Variants in ABCC9 observed in about 807,000 individuals in gnomAD.
ABCC9 encodes ATP binding cassette subfamily C member 9.
In ABCC9, 95 loss-of-function variants were observed where a neutral mutation model predicts 188.3. That is an observed-to-expected ratio of 0.50 (90% CI 0.43 to 0.60). The LOEUF (loss-of-function observed/expected upper bound fraction) is 0.60, where lower values mean the gene tolerates loss of function less well. Among genes scored for constraint, ABCC9 ranks in the 20% least tolerant of loss-of-function variants. The pLI is 0.00. For synonymous variants in ABCC9, 659 were observed against 652.7 expected (o/e 1.01, Z -0.15); for missense variants, 1,102 against 1,876.3 (o/e 0.59, Z 7.62).
chr12:21,882,701 A>G (rs1946681089), intron 16 of ABCC9, 65 bp downstream of exon 16: 1 of 1,399,878 alleles, frequency 7.1e-7, no homozygotes, highest in Non-Finnish European at 1.0e-6. Flanking sequence ...CTTTCACAGA[A>G]CTTCACCATA....
intron 12 of ABCC9, among the ~76,000 whole-genome samples, chr12:21,905,174 A>G (rs139536809): frequency 5.6e-4 from 86 of 152,254 alleles, no homozygotes; most frequent in African/African-American, 2.0e-3. Flanking sequence ...TGCAGGGACA[A>G]AAAACCAAAC....
chr12:21,886,711 CTCAA>C (rs1946893172), intron 15 of ABCC9, among the ~76,000 whole-genome samples: 1 of 152,060 alleles, frequency 6.6e-6, no homozygotes, highest in African/African-American at 2.4e-5. Flanking sequence ...TACGAGGGCC[CTCAA>C]TCATTGTTCT....
rs755331988 is a variant in ABCC9, at chr12:21,863,047, T to A, written c.2245A>T (p.Arg749Trp). The change falls in exon 20 of 40, where the codon AGG (arginine) becomes TGG (tryptophan). Residue 749 changes from arginine (R) to tryptophan (W), a missense_variant. Transcript: ENST00000261200. ...TGAGCTGCATATGCCACAGAGTACCTGTTCCTACTGAAAAATGAAAAAGAA... is the reference window on the plus strand; with the variant it reads ...TGAGCTGCATATGCCACAGAGTACCAGTTCCTACTGAAAAATGAAAAAGAA... ...PSFEATRSRN[R>W]YSVAYAAQKP... 2 of 1,604,726 alleles carry A rather than the reference T, an allele frequency of 1.2e-6. No individual in the cohort carries two copies. Among genetic ancestry groups the A allele is most frequent in the Non-Finnish European group, 8.5e-7 (1 of 1,174,112 alleles).
intron 12 of ABCC9, among the ~76,000 whole-genome samples, chr12:21,905,045 TA>T (rs890258825): frequency 2.0e-5 from 3 of 152,130 alleles, no homozygotes; most frequent in African/African-American, 7.2e-5. Context: ...CCAACAATGA[TA>T]GACTGGATTA....
At chr12:21,880,307 G>A (rs1946558761) in intron 16 of ABCC9, among the ~76,000 whole-genome samples, 1 of 152,014 alleles carries the variant, frequency 6.6e-6, no homozygotes, top group African/African-American at 2.4e-5. Context: ...AGCTAATATG[G>A]AACGTCTTCA....
rs536140824 is a variant in ABCC9, at chr12:21,846,546, G to A, written c.2867-714C>T. ...TTCATACTATACTATATACATATCAGGTTGTGGGGAGGAAGGACTTGTCTT... is the reference window on the plus strand; with the variant it reads ...TTCATACTATACTATATACATATCAAGTTGTGGGGAGGAAGGACTTGTCTT... On this transcript the variant is annotated intron_variant, in intron 25 of 39. Coordinates refer to ENST00000261200, the MANE Select transcript of ABCC9 (RefSeq NM_020297.4). Among the ~76,000 whole-genome samples the A allele has an allele frequency of 2.6e-5, 4 of 152,194 alleles. No individual in the cohort carries two copies. The South Asian group carries it at 8.3e-4, about 32-fold the overall frequency.
At chr12:21,876,361 C>T (rs1946349150) in intron 16 of ABCC9, among the ~76,000 whole-genome samples, 1 of 152,078 alleles carries the variant, frequency 6.6e-6, no homozygotes, top group African/African-American at 2.4e-5. Context: ...TCCCCAAATC[C>T]TAGTGATTAA....
At chr12:21,917,169 T>C in intron 5 of ABCC9, 66 bp from the exon 6 acceptor site, 1 of 1,503,822 alleles carries the variant, frequency 6.6e-7, no homozygotes, top group African/African-American at 1.4e-5. Context: ...CATTTGAATG[T>C]AATTATGATG....
intron 22 of ABCC9, among the ~76,000 whole-genome samples, chr12:21,853,221 G>A (rs557237795): frequency 3.5e-4 from 53 of 152,202 alleles, no homozygotes; most frequent in Non-Finnish European, 6.2e-4. Flanking sequence ...GGTTGAGACC[G>A]GAGAATCGCC....
chr12:21,920,843 A>C (rs1211595987), intron 5 of ABCC9, among the ~76,000 whole-genome samples: 1 of 151,948 alleles, frequency 6.6e-6, no homozygotes, highest in African/African-American at 2.4e-5. Context: ...TGCCTGTCTT[A>C]TTTCACTTAA....
At chr12:21,935,126 C>G (rs948257514) in intron 3 of ABCC9, among the ~76,000 whole-genome samples, 1 of 152,090 alleles carries the variant, frequency 6.6e-6, no homozygotes, top group African/African-American at 2.4e-5. Context: ...TGGTGCCAGC[C>G]TCTTTGCTGG....
intron 5 of ABCC9, among the ~76,000 whole-genome samples, chr12:21,921,581 A>G (rs2137964351): frequency 6.6e-6 from 1 of 152,066 alleles, no homozygotes; most frequent in South Asian, 2.1e-4. Context: ...ACTTGATGTG[A>G]TCCCATTTGT....
intron 5 of ABCC9, chr12:21,923,779 C>A (rs1449181832): frequency 2.9e-6 from 2 of 694,670 alleles, no homozygotes; most frequent in Admixed American, 2.0e-5. Flanking sequence ...AGGTATTTAC[C>A]TAGGAGAAAT....
chr12:21,898,223 G>A (rs760609605), intron 12 of ABCC9, among the ~76,000 whole-genome samples: 7 of 151,980 alleles, frequency 4.6e-5, no homozygotes, highest in Non-Finnish European at 2.9e-5. Context: ...TAAATGAGAT[G>A]GTATATGAAA....
chr12:21,916,959 T>A lies in ABCC9; in HGVS notation c.551A>T (p.Glu184Val). ...TACCCTGACTCGAATGACATTGATC[T>A]CCACAGCCATCAAGAGCCCATTCAA... ...VILNGLLMAV[E>V]INVIRVRRYV... The change falls in exon 6 of 40, where the codon GAG becomes GTG. Residue 184 changes from glutamate to valine, a missense_variant. Coordinates refer to ENST00000261200, the MANE Select transcript of ABCC9 (RefSeq NM_020297.4). 3.7e-6 allele frequency: 6 copies of A among 1,613,264 alleles called. No individual in the cohort carries two copies. The highest frequency in any genetic ancestry group is 5.1e-6 in the Non-Finnish European group (6 of 1,179,590).
chr12:21,837,195 A>G (rs772358679), intron 30 of ABCC9, among the ~76,000 whole-genome samples: 1 of 152,202 alleles, frequency 6.6e-6, no homozygotes, highest in Non-Finnish European at 1.5e-5. Flanking sequence ...TAATTTTGAC[A>G]TCTCCAATAA....
At chr12:21,903,920 A>G (rs10841910) in intron 12 of ABCC9, among the ~76,000 whole-genome samples, 91,358 of 152,068 alleles carry the variant, frequency 0.6, 27,673 homozygotes, top group East Asian at 0.8. Context: ...CACAGAATTG[A>G]AAAAAACTAC....
chr12:21,809,346 C>A (rs1436295569), intron 37 of ABCC9, among the ~76,000 whole-genome samples: 1 of 152,062 alleles, frequency 6.6e-6, no homozygotes, highest in Non-Finnish European at 1.5e-5. Flanking sequence ...CAAGGCAATA[C>A]AAAACAATGT....
chr12:21,808,951 TGTAGTATTTCTGA>T, intron 37 of ABCC9, among the ~76,000 whole-genome samples: 1 of 152,220 alleles, frequency 6.6e-6, no homozygotes, highest in East Asian at 1.9e-4. Context: ...AATAATAAAA[TGTAGTATTTCTGA>T]GTTGGCCCTG....
Sources: allele counts gnomAD v4.1 joint callset (sites outside exome capture counted in the v4.1 genomes callset), GRCh38; gene constraint gnomAD v4.1.1; transcripts MANE v1.5; gene names NCBI Gene and HGNC (gene_info 2026-07-23, HGNC 2026-07-21).